Variants in CENPI observed in about 807,000 individuals in gnomAD.
The protein encoded by CENPI is FSH primary response 1.
Under a neutral mutation model 60.4 loss-of-function variants are expected in CENPI, and 4 were observed. The observed-to-expected ratio is 0.07, with a 90% CI of 0.03 to 0.15. CENPI has a LOEUF of 0.15. CENPI is among the 10% of genes least tolerant of loss of function. The probability of loss-of-function intolerance (pLI) is 1.00; values close to 1 mark genes in which losing one functional copy is unlikely to be tolerated. For missense variants in CENPI, 444 were observed against 534.5 expected (o/e 0.83, Z 1.67); for synonymous variants, 157 against 189.4 (o/e 0.83, Z 1.40).
At chrX:101,120,512 T>A in intron 7 of CENPI, 62 bp downstream of exon 7, 1 of 667,887 alleles carries the variant, frequency 1.5e-6, no homozygotes, top group Non-Finnish European at 2.4e-6. Flanking sequence ...TTGGCCTTTA[T>A]AAAGTTAAAA....
intron 20 of CENPI, among the ~76,000 whole-genome samples, chrX:101,159,458 G>C (rs1018274478): frequency 9.1e-6 from 1 of 109,352 alleles, no homozygotes; most frequent in African/African-American, 3.3e-5. Context: ...CACCGCGCCT[G>C]GCCTTTTTTT....
intron 4 of CENPI, among the ~76,000 whole-genome samples, chrX:101,107,609 G>A (rs1461421230): frequency 2.8e-5 from 3 of 108,339 alleles, no homozygotes; most frequent in African/African-American, 6.7e-5. Context: ...TGCCTGCTTC[G>A]GCCTTCCAAA....
In CENPI at chrX:101,132,325, T is replaced by C. The variant is rs765640322; in HGVS notation, c.1405+18T>C. The C allele has an allele frequency of 4.2e-6, 5 of 1,182,016 alleles. No homozygotes were observed. The highest frequency in any genetic ancestry group is 5.7e-6 in the Non-Finnish European group (5 of 870,622). ...CTTCTCTGGTATGTATCATGAAAAT[T>C]TGGAGTCATTTGATTCAACGTACTA... On this transcript the variant is annotated intron_variant, in intron 14 of 21. Transcript: ENST00000682095.
At chrX:101,139,097 T>TTC (rs1171261189) in intron 15 of CENPI, among the ~76,000 whole-genome samples, 1 of 91,296 alleles carries the variant, frequency 1.1e-5, no homozygotes, top group Non-Finnish European at 2.2e-5. Flanking sequence ...CCTTTTTTTT[T>TTC]TTTTTTTTTT....
rs1478806822 is a variant in CENPI, at chrX:101,138,688, C to T, written c.1471-1978C>T. On this transcript the variant is annotated intron_variant, in intron 15 of 21. Transcript: ENST00000682095. Reference sequence around the variant, plus strand: ...TTGCTCAGGCTGGTGTGCAGTGGTGCGATCTTGGCTCACTGCAACCTCTGC... The same window carrying T: ...TTGCTCAGGCTGGTGTGCAGTGGTGTGATCTTGGCTCACTGCAACCTCTGC... Among the ~76,000 whole-genome samples the T allele has an allele frequency of 2.9e-5, 3 of 105,046 alleles. No homozygotes were observed. The South Asian group carries it at 1.3e-3, about 45-fold the overall frequency. 91.2% of individuals were successfully genotyped at this position (105,046 alleles called of 115,157 possible). A position where few individuals can be genotyped will look rare whatever the true frequency, so the allele number is the denominator to read the frequency against.
chrX:101,146,063 C>A, intron 17 of CENPI, 90 bp from the exon 18 acceptor site: 1 of 783,544 alleles, frequency 1.3e-6, no homozygotes, highest in Non-Finnish European at 1.8e-6. Flanking sequence ...TATGTTATTG[C>A]TTATCTTGTA....
At chrX:101,159,337 A>AT (rs1217691480) in intron 20 of CENPI, among the ~76,000 whole-genome samples, 1 of 103,547 alleles carries the variant, frequency 9.7e-6, no homozygotes, top group Non-Finnish European at 2.0e-5. Flanking sequence ...AATTTTTTGT[A>AT]TTTTTTAGTA....
At chrX:101,124,830 C>T (rs947811908) in intron 8 of CENPI, among the ~76,000 whole-genome samples, 1 of 112,006 alleles carries the variant, frequency 8.9e-6, no homozygotes, top group Non-Finnish European at 1.9e-5. Flanking sequence ...CCACCCTAGC[C>T]ACGTGGAACT....
chrX:101,130,234 G>T (rs1387524199), intron 13 of CENPI, among the ~76,000 whole-genome samples, 161 bp downstream of exon 13: 1 of 111,633 alleles, frequency 9.0e-6, no homozygotes, highest in African/African-American at 3.3e-5. Flanking sequence ...AGGAGTTCAA[G>T]ACCAGCTTGG....
In CENPI at chrX:101,109,980, A is replaced by G. The variant is rs762181163; in HGVS notation, c.573A>G (p.Ser191=). Residue 191 remains serine, a synonymous_variant, in exon 6 of 22, where the codon TCA becomes TCG. Transcript: ENST00000682095. ...TGCTCTATGGCTTCTTTTTTGCTTC[A>G]TTGCAAGATGATGCACTGGTAAGTA... ...INLLYGFFFA[S]LQDDALCPYV... is the part of the protein sequence containing the mutation. The G allele has an allele frequency of 8.4e-6, 10 of 1,189,248 alleles. No homozygotes were observed. In the South Asian group the frequency reaches 1.2e-4, roughly 15 times the overall value.
chrX:101,154,240 C>A (rs2090033221), intron 20 of CENPI, among the ~76,000 whole-genome samples: 1 of 111,385 alleles, frequency 9.0e-6, no homozygotes, highest in Admixed American at 9.7e-5. Context: ...CTTTGAAATT[C>A]CATATGAATT....
At chrX:101,162,497 T>C (rs1415569742) in intron 21 of CENPI, among the ~76,000 whole-genome samples, 1 of 102,108 alleles carries the variant, frequency 9.8e-6, no homozygotes, top group Non-Finnish European at 2.0e-5. Context: ...TATATAATTA[T>C]CTCATTATCA....
At chrX:101,136,872 G>A (rs1164405198) in intron 15 of CENPI, among the ~76,000 whole-genome samples, 2 of 111,962 alleles carry the variant, frequency 1.8e-5, no homozygotes, top group Non-Finnish European at 3.8e-5. Context: ...TAGTGGCACT[G>A]TAGTCCTTAG....
chrX:101,172,215 A>G, the CENPI span, among the ~76,000 whole-genome samples: 2 of 112,030 alleles, frequency 1.8e-5, no homozygotes, highest in Non-Finnish European at 3.8e-5. Flanking sequence ...TGGAACATAA[A>G]TATTGCAGCC....
chrX:101,147,059 C>G (rs1222104104), intron 18 of CENPI, among the ~76,000 whole-genome samples: 1 of 111,630 alleles, frequency 9.0e-6, no homozygotes, highest in Non-Finnish European at 1.9e-5. Context: ...CTTGGCATAA[C>G]TTGTAGGACT....
At chrX:101,161,605 C>T in intron 21 of CENPI, 36 bp downstream of exon 21, 1 of 1,114,451 alleles carries the variant, frequency 9.0e-7, no homozygotes. Flanking sequence ...TGAGGGATTT[C>T]ATACAGCTTA....
downstream of CENPI, among the ~76,000 whole-genome samples, chrX:101,167,409 A>G (rs915517103): frequency 3.6e-5 from 4 of 112,137 alleles, no homozygotes; most frequent in Non-Finnish European, 5.6e-5. Flanking sequence ...ATCCATTTGT[A>G]TGCAACTTAC....
intron 6 of CENPI, among the ~76,000 whole-genome samples, chrX:101,113,473 C>T (rs758581641): frequency 3.6e-5 from 4 of 110,622 alleles, no homozygotes; most frequent in African/African-American, 6.6e-5. Flanking sequence ...TGTGCTACCA[C>T]GCCCAGCTAA....
intron 17 of CENPI, 116 bp downstream of exon 17, chrX:101,145,315 A>G: frequency 3.5e-6 from 2 of 574,132 alleles, no homozygotes; most frequent in Non-Finnish European, 2.8e-6. Context: ...TATTAGCATC[A>G]TTAAAATAAC....
Sources: allele counts gnomAD v4.1 joint callset (sites outside exome capture counted in the v4.1 genomes callset), GRCh38; gene constraint gnomAD v4.1.1; transcripts MANE v1.5; gene names NCBI Gene and HGNC (gene_info 2026-07-23, HGNC 2026-07-21).